Variants in SH3YL1 observed in about 807,000 individuals in gnomAD.
The protein encoded by SH3YL1 is SH3 domain-containing YSC84-like protein 1.
In SH3YL1, 41 loss-of-function variants were observed where a neutral mutation model predicts 45.8. The ratio of observed to expected loss-of-function variants is 0.89; its 90% confidence interval spans 0.70 to 1.16. SH3YL1 has a LOEUF of 1.16. Ranked by LOEUF, SH3YL1 falls within the 50% of genes most tolerant of loss-of-function variation. The pLI is 0.00. For synonymous variants in SH3YL1, 152 were observed against 151.4 expected, an observed-to-expected ratio of 1.00 and a Z score of -0.03; for missense variants, 389 against 409.6, an observed-to-expected ratio of 0.95 and a Z score of 0.43.
chr2:264,000 G>A lies in SH3YL1; in HGVS notation c.-16C>T, dbSNP rs1418351166. 3 of 1,450,500 alleles carry A rather than the reference G, an allele frequency of 2.1e-6. No individual in the cohort carries two copies. Among genetic ancestry groups the A allele is most frequent in the Non-Finnish European group, 2.7e-6 (3 of 1,095,578 alleles). The allele number at this position is 1,450,500 out of a possible 1,614,324, so 89.9% of individuals were successfully genotyped here. On this transcript the variant is annotated 5_prime_UTR_variant, in exon 1 of 10. Transcript: ENST00000356150. ...GGTACTCACTGCTGCCCGCCCGGCCGCGGCGCCCCGTCCCGAGGCTGCCCA... is the reference window on the plus strand; with the variant it reads ...GGTACTCACTGCTGCCCGCCCGGCCACGGCGCCCCGTCCCGAGGCTGCCCA...
intron 1 of SH3YL1, chr2:263,711 A>C (rs1669706822): frequency 2.3e-6 from 1 of 428,096 alleles, no homozygotes; most frequent in East Asian, 3.8e-5. Context: ...AATATCAGGA[A>C]GTTAAAAATA....
chr2:224,400 A>G (rs1667706611), intron 9 of SH3YL1, among the ~76,000 whole-genome samples: 1 of 152,240 alleles, frequency 6.6e-6, no homozygotes. Flanking sequence ...GAGAAAATGG[A>G]ATAAGGATGA....
chr2:257,079 G>C (rs551108647), intron 1 of SH3YL1, among the ~76,000 whole-genome samples: 4 of 151,944 alleles, frequency 2.6e-5, no homozygotes, highest in Non-Finnish European at 5.9e-5. Flanking sequence ...ATACTTTAAC[G>C]GAGTTGTTTT....
In SH3YL1 at chr2:251,773, A is replaced by G. The variant is rs115568422; in HGVS notation, c.112+1232T>C. On this transcript the variant is annotated intron_variant, in intron 2 of 9. Coordinates refer to ENST00000356150, the MANE Select transcript of SH3YL1 (RefSeq NM_015677.4). ...CTAACAAGCACCGTTTCCTCAAGAC[A>G]GGAGAAGTCACCGGGCCAATGCAAC... Among the ~76,000 whole-genome samples, 444 of 152,356 alleles carry G rather than the reference A, an allele frequency of 2.9e-3. 3 individuals are homozygous for G. The highest frequency in any genetic ancestry group is 6.8e-3 in the Middle Eastern group (2 of 294).
chr2:242,689 C>G (rs910440359), intron 4 of SH3YL1: 2 of 1,331,346 alleles, frequency 1.5e-6, no homozygotes, highest in Non-Finnish European at 1.9e-6. Flanking sequence ...AATTAAACAA[C>G]CAAATAAAAA....
At chr2:247,489 G>T in intron 4 of SH3YL1, 49 bp downstream of exon 4, 2 of 1,416,628 alleles carry the variant, frequency 1.4e-6, no homozygotes, top group East Asian at 2.5e-5. Context: ...TGCATCTTAG[G>T]TGTCTTCAGA....
chr2:222,228 G>A (rs1390387949), intron 9 of SH3YL1: 1 of 152,176 alleles, frequency 6.6e-6, no homozygotes, highest in Non-Finnish European at 1.5e-5. Context: ...CAAACAGGAA[G>A]CAGAATTAGA....
At chr2:257,834 G>A (rs562866973) in intron 1 of SH3YL1, among the ~76,000 whole-genome samples, 1 of 152,210 alleles carries the variant, frequency 6.6e-6, no homozygotes, top group African/African-American at 2.4e-5. Flanking sequence ...TTTTGCATAT[G>A]GTATAAGGAA....
intron 8 of SH3YL1, among the ~76,000 whole-genome samples, chr2:226,145 G>A (rs1667776088): frequency 6.6e-6 from 1 of 151,898 alleles, no homozygotes; most frequent in South Asian, 2.1e-4. Flanking sequence ...TGTAGGAGGT[G>A]GGAAGACCTT....
chr2:235,380 GCATGGGCCAGGGGAGGC>G (rs1668244072), intron 4 of SH3YL1, among the ~76,000 whole-genome samples: 1 of 96,730 alleles, frequency 1.0e-5, no homozygotes, highest in African/African-American at 3.2e-5. Flanking sequence ...GGAGGCAGCA[GCATGGGCCAGGGGAGGC>G]AGCATGGGCC....
Position 218,676 on chromosome 2 carries a change from T to C in SH3YL1, c.*135A>G. The C allele has an allele frequency of 1.4e-6, 1 of 724,800 alleles. No individual in the cohort carries two copies. The highest frequency in any genetic ancestry group is 2.8e-5 in the East Asian group (1 of 36,078). The allele number at this position is 724,800 out of a possible 1,614,324, so 44.9% of individuals were successfully genotyped here. On this transcript the variant is annotated 3_prime_UTR_variant, in exon 10 of 10. Transcript: ENST00000356150. ...GCTCTTTTTATATAGAAAAACAAAA[T>C]CTTTTACATACGGAATGGAAATTTT...
chr2:242,247 G>A (rs1384011811), intron 4 of SH3YL1: 1 of 151,948 alleles, frequency 6.6e-6, no homozygotes, highest in African/African-American at 2.4e-5. Flanking sequence ...CAAGTTCAAT[G>A]AGTAAATACT....
rs1399500676 is a variant in SH3YL1, at chr2:218,998, TTGCC to T, written c.839-1_841del. On this transcript the variant is annotated splice_acceptor_variant and coding_sequence_variant, in exon 10 of 10. Transcript: ENST00000356150. LOFTEE classifies it high-confidence loss of function. ...TGTCACTTCTATGGGTTGATTCAAA[TTGCC>T]TGAAACAAGAAAAAAGTATTCACGT... 5 of 1,604,332 alleles carry T rather than the reference TTGCC, an allele frequency of 3.1e-6. No individual in the cohort carries two copies. The highest frequency in any genetic ancestry group is 1.7e-5 in the Admixed American group (1 of 58,494).
At chr2:238,280 T>G (rs970805796) in intron 4 of SH3YL1, among the ~76,000 whole-genome samples, 11 of 151,604 alleles carry the variant, frequency 7.3e-5, no homozygotes, top group African/African-American at 2.7e-4. Context: ...TGTGTGTGTG[T>G]GTGTGTGTGT....
Position 234,043 on chromosome 2 carries a change from A to G in SH3YL1, c.404+117T>C, listed in dbSNP as rs186186836. On this transcript the variant is annotated intron_variant, in intron 5 of 9. Coordinates refer to ENST00000356150, the MANE Select transcript of SH3YL1 (RefSeq NM_015677.4). ...TGTGATGACCTCAAATCTTTCGGGC[A>G]TGTATAAATCTGGGGATGTACAAAT... 1.4e-3 allele frequency: 995 copies of G among 727,974 alleles called. 1 individual carries two copies. Among genetic ancestry groups the G allele is most frequent in the Non-Finnish European group, 1.8e-3 (773 of 436,416 alleles). 45.1% of individuals were successfully genotyped at this position (727,974 alleles called of 1,614,324 possible). A position where few individuals can be genotyped will look rare whatever the true frequency, so the allele number is the denominator to read the frequency against.
In SH3YL1 at chr2:229,998, G is replaced by T. The variant is rs779659498; in HGVS notation, c.749C>A (p.Ser250Tyr). ...PKPLSRPQQS[S>Y]APVQLNSGSQ... ...GCCAGAGTTCAGCTGGACTGGTGCAGATGACTGCTGTGGTCTTGACAATGG... is the reference window on the plus strand; with the variant it reads ...GCCAGAGTTCAGCTGGACTGGTGCATATGACTGCTGTGGTCTTGACAATGG... Residue 250 changes from serine (S) to tyrosine (Y), a missense_variant, in exon 8 of 10, where the codon TCT (serine) becomes TAT (tyrosine). Physicochemically the swap from Ser to Tyr is moderately radical, Grantham distance 144. Coordinates refer to ENST00000356150, the MANE Select transcript of SH3YL1 (RefSeq NM_015677.4). 1 of 1,612,918 alleles carries T rather than the reference G, an allele frequency of 6.2e-7. No individual in the cohort carries two copies. Among genetic ancestry groups the T allele is most frequent in the Non-Finnish European group, 8.5e-7 (1 of 1,179,190 alleles).
chr2:253,988 GA>G (rs1669195983), intron 1 of SH3YL1, among the ~76,000 whole-genome samples: 2 of 151,998 alleles, frequency 1.3e-5, no homozygotes, highest in Non-Finnish European at 2.9e-5. Context: ...GGCCCCAAAG[GA>G]TGTTAAACAA....
chr2:264,501 A>T (rs1216764704), upstream of SH3YL1: 2 of 161,432 alleles, frequency 1.2e-5, no homozygotes, highest in Non-Finnish European at 2.5e-5. Context: ...TCCTCCAGGT[A>T]CCCCTCTCCT....
rs188167075 is a variant in SH3YL1, at chr2:233,331, C to T, written c.405-102G>A. ...TCTAGCTCAAATGAATTATTTTGTT[C>T]TGTACCTTCTTCAGCTGTTTCTATG... is the stretch of plus-strand genomic sequence containing the variant. On this transcript the variant is annotated intron_variant, in intron 5 of 9. Coordinates refer to ENST00000356150, the MANE Select transcript of SH3YL1 (RefSeq NM_015677.4). The T allele has an allele frequency of 6.1e-3, 7,411 of 1,207,698 alleles. 22 individuals are homozygous for T. Among genetic ancestry groups the T allele is most frequent in the South Asian group, 8.7e-3 (301 of 34,676 alleles). The allele number at this position is 1,207,698 out of a possible 1,614,324, so 74.8% of individuals were successfully genotyped here. A position where few individuals can be genotyped will look rare whatever the true frequency, so the allele number is the denominator to read the frequency against.
Sources: allele counts gnomAD v4.1 joint callset (sites outside exome capture counted in the v4.1 genomes callset), GRCh38; gene constraint gnomAD v4.1.1; transcripts MANE v1.5; gene names NCBI Gene and HGNC (gene_info 2026-07-23, HGNC 2026-07-21).